CRAT: variants seen among roughly 807,000 people sequenced by gnomAD.
The protein encoded by CRAT is carnitine acetylase.
Under a neutral mutation model 73.7 loss-of-function variants are expected in CRAT, and 66 were observed. That is an observed-to-expected ratio of 0.90 (90% CI 0.73 to 1.10). CRAT has a LOEUF of 1.10. Among genes scored for constraint, CRAT ranks in the 50% least tolerant of loss-of-function variants. The probability of loss-of-function intolerance (pLI) is 0.00; values close to 1 mark genes in which losing one functional copy is unlikely to be tolerated. For missense variants in CRAT, 745 were observed against 846.9 expected, an observed-to-expected ratio of 0.88 and a Z score of 1.49; for synonymous variants, 321 against 343.2, an observed-to-expected ratio of 0.94 and a Z score of 0.71.
In CRAT at chr9:129,107,882, C is replaced by A. The variant is rs1480156118; in HGVS notation, c.223G>T (p.Ala75Ser). ...AGGCGCTCCCCTACACCTCCTGAGG[C>A]CTGAAACTCATCCACCAGCTGCTTG... ...HTKQLVDEFQ[A>S]SGGVGERLQK... The change falls in exon 2 of 14, where the codon GCC becomes TCC. Residue 75 changes from alanine to serine, a missense_variant. Ala to Ser is a moderately conservative substitution (Grantham distance 99, BLOSUM62 1). Transcript: ENST00000318080. The surrounding 1 kb of genome is among the most constrained non-coding windows in gnomAD (Gnocchi z 5.0). The A allele has an allele frequency of 6.2e-7, 1 of 1,612,232 alleles. No individual in the cohort carries two copies. The highest frequency in any genetic ancestry group is 8.5e-7 in the Non-Finnish European group (1 of 1,179,978).
chr9:129,109,256 C>G (rs544688331), intron 1 of CRAT: 1 of 1,304,200 alleles, frequency 7.7e-7, no homozygotes, highest in South Asian at 1.2e-5. Context: ...GCTGAGGTTA[C>G]ACCACAGCCC....
chr9:129,096,170 T>A, intron 12 of CRAT, 35 bp from the exon 13 acceptor site: 1 of 1,609,700 alleles, frequency 6.2e-7, no homozygotes, highest in South Asian at 1.1e-5. Flanking sequence ...GAGCAGGGGC[T>A]GTGGACCCCC....
Position 129,102,565 on chromosome 9 carries a change from G to A in CRAT, c.465C>T (p.Asn155=), listed in dbSNP as rs772103963. The change falls in exon 5 of 14, where the codon AAC becomes AAT. Residue 155 remains asparagine (N), a splice_region_variant and synonymous_variant. Transcript: ENST00000318080. ...GVLDFKVMID[N]ETLPVEYLGG... ...CCAGGTACTCCACGGGCAGGGTCTC[G>A]CTATGGGGTAGAGGGGCAGTGAGGC... is the stretch of plus-strand genomic sequence containing the variant. 1.1e-5 allele frequency: 18 copies of A among 1,613,794 alleles called. No individual in the cohort carries two copies. The highest frequency in any genetic ancestry group is 2.2e-5 in the South Asian group (2 of 91,078).
At chr9:129,105,273 C>T (rs1363971979) in intron 2 of CRAT, among the ~76,000 whole-genome samples, 1 of 151,936 alleles carries the variant, frequency 6.6e-6, no homozygotes, top group Non-Finnish European at 1.5e-5. Context: ...AAATGTATGC[C>T]TGAATAGATA....
At chr9:129,097,181 ACAGT>A in intron 12 of CRAT, 65 bp downstream of exon 12, 1 of 1,368,100 alleles carries the variant, frequency 7.3e-7, no homozygotes, top group Non-Finnish European at 9.9e-7. Flanking sequence ...GCAGGGACGG[ACAGT>A]CAGAGGGACA....
Position 129,095,168 on chromosome 9 carries a change from C to A in CRAT, c.*229G>T. ...GCCCGGGCCTAACGTCCTGCTCAGC[C>A]TCTGCACTCAGCCCCAGGTCGGGCC... On this transcript the variant is annotated 3_prime_UTR_variant, in exon 14 of 14. Coordinates refer to ENST00000318080, the MANE Select transcript of CRAT (RefSeq NM_000755.5). 1 of 592,316 alleles carries A rather than the reference C, an allele frequency of 1.7e-6. No homozygotes were observed. Among genetic ancestry groups the A allele is most frequent in the Non-Finnish European group, 3.0e-6 (1 of 334,408 alleles). 36.7% of individuals were successfully genotyped at this position (592,316 alleles called of 1,614,324 possible).
chr9:129,099,805 A>G, intron 8 of CRAT, 61 bp downstream of exon 8: 1 of 1,317,616 alleles, frequency 7.6e-7, no homozygotes, highest in Non-Finnish European at 1.1e-6. Context: ...CTGGTCTATC[A>G]CCTGTGTGTC....
intron 6 of CRAT, among the ~76,000 whole-genome samples, chr9:129,101,417 A>G (rs1418055467): frequency 6.6e-6 from 1 of 152,156 alleles, no homozygotes; most frequent in African/African-American, 2.4e-5. Flanking sequence ...TCAGAGCGAG[A>G]CCCGCTCTCC....
chr9:129,100,384 C>A (rs1847584023), intron 7 of CRAT, 127 bp downstream of exon 7: 19 of 1,193,512 alleles, frequency 1.6e-5, no homozygotes, highest in Non-Finnish European at 4.6e-6. Flanking sequence ...GTCCAGCCTG[C>A]TGGCTTCCTG....
At chr9:129,109,590 G>A (rs1035191989) in intron 1 of CRAT, among the ~76,000 whole-genome samples, 1 of 152,176 alleles carries the variant, frequency 6.6e-6, no homozygotes, top group Non-Finnish European at 1.5e-5. Flanking sequence ...CAGTCCAGTC[G>A]GATGGTCCTG....
Position 129,098,009 on chromosome 9 carries a change from T to C in CRAT, c.1464+4A>G. 3.7e-6 allele frequency: 6 copies of C among 1,612,952 alleles called. No individual in the cohort carries two copies. Among genetic ancestry groups the C allele is most frequent in the Non-Finnish European group, 5.1e-6 (6 of 1,179,694 alleles). On this transcript the variant is annotated splice_donor_region_variant and intron_variant, in intron 11 of 13. Transcript: ENST00000318080. ...CTCACCCACCCTCGCCCCAGACCTC[T>C]CACCGTGACGCTGGAGTCATCCATG...
chr9:129,099,823 A>C, intron 8 of CRAT, 43 bp downstream of exon 8: 1 of 1,455,702 alleles, frequency 6.9e-7, no homozygotes, highest in Non-Finnish European at 9.6e-7. Context: ...GTCACCTGTC[A>C]CTAGAAGCTG....
At chr9:129,100,225 A>C (rs1467321779) in intron 7 of CRAT, 5 of 583,794 alleles carry the variant, frequency 8.6e-6, no homozygotes, top group African/African-American at 1.9e-5. Flanking sequence ...ACAGGTGTGG[A>C]GAGGGACTGT....
chr9:129,095,663 G>T, intron 13 of CRAT, 51 bp from the exon 14 acceptor site: 1 of 1,553,992 alleles, frequency 6.4e-7, no homozygotes, highest in Non-Finnish European at 8.7e-7. Context: ...GACGCCCCCA[G>T]CACTTCCCAG....
intron 7 of CRAT, 44 bp from the exon 8 acceptor site, chr9:129,100,010 G>A: frequency 6.4e-7 from 1 of 1,567,984 alleles, no homozygotes; most frequent in East Asian, 2.2e-5. Context: ...AGGGCCCTGG[G>A]GGGTGGCCCC....
At chr9:129,104,821 G>C (rs1340561968) in intron 2 of CRAT, among the ~76,000 whole-genome samples, 1 of 150,978 alleles carries the variant, frequency 6.6e-6, no homozygotes, top group East Asian at 2.0e-4. Context: ...AGCCAGGATG[G>C]TCTCGATTTC....
chr9:129,099,987 C>G (rs570091457), intron 7 of CRAT, 21 bp from the exon 8 acceptor site: 3 of 1,609,350 alleles, frequency 1.9e-6, no homozygotes, highest in Admixed American at 3.3e-5. Context: ...GAAGGGAGAC[C>G]CCGGTCAGCC....
In CRAT at chr9:129,103,463, G is replaced by A. The variant is rs756109701; in HGVS notation, c.411-397C>T. On this transcript the variant is annotated intron_variant, in intron 3 of 13. Coordinates refer to ENST00000318080, the MANE Select transcript of CRAT (RefSeq NM_000755.5). This position sits in a 1 kb window ranked among gnomAD's most constrained non-coding sequence, Gnocchi z 4.6. Reference sequence around the variant, plus strand: ...CTGAAGCATCGGTTCTGGAGGCCCCGGGCCCCTGGGGTGGTGTGATGGGAG... The same window carrying A: ...CTGAAGCATCGGTTCTGGAGGCCCCAGGCCCCTGGGGTGGTGTGATGGGAG... Among the ~76,000 whole-genome samples, 7 of 152,238 alleles carry A rather than the reference G, an allele frequency of 4.6e-5. No individual in the cohort carries two copies. Among genetic ancestry groups the A allele is most frequent in the South Asian group, 2.1e-4 (1 of 4,820 alleles).
Position 129,107,619 on chromosome 9 carries a change from C to A in CRAT, c.291+195G>T. ...CCTGTTCATTACCTTTCTCTCCTCC[C>A]TACTTGAATGTTAGCTCCAAGGAGC... is the stretch of plus-strand genomic sequence containing the variant. On this transcript the variant is annotated intron_variant, in intron 2 of 13. Transcript: ENST00000318080. This position sits in a 1 kb window ranked among gnomAD's most constrained non-coding sequence, Gnocchi z 5.0. 2.6e-6 allele frequency: 2 copies of A among 776,034 alleles called. No homozygotes were observed. Among genetic ancestry groups the A allele is most frequent in the Non-Finnish European group, 4.6e-6 (2 of 439,478 alleles). 48.1% of individuals were successfully genotyped at this position (776,034 alleles called of 1,614,324 possible). A position where few individuals can be genotyped will look rare whatever the true frequency, so the allele number is the denominator to read the frequency against.
Sources: gnomAD v4.1 joint callset for allele counts (sites outside exome capture counted in the v4.1 genomes callset) on GRCh38, gnomAD v4.1.1 for gene constraint, Gnocchi (gnomAD v3.1) non-coding constraint, MANE v1.5 for transcripts, NCBI Gene and HGNC (gene_info 2026-07-23, HGNC 2026-07-21) for gene names.